SLC44A5: variants seen among roughly 807,000 people sequenced by gnomAD.
The protein encoded by SLC44A5 is solute carrier family 44 member 5, also known as choline transporter-like protein 5.
Under a neutral mutation model 101.8 loss-of-function variants are expected in SLC44A5, and 57 were observed. The observed-to-expected ratio is 0.56, with a 90% confidence interval of 0.45 to 0.70. The LOEUF is 0.70. Ranked by LOEUF, SLC44A5 falls within the 30% of genes least tolerant of loss-of-function variation. The pLI is 0.00. For missense variants in SLC44A5, 737 were observed against 853.1 expected (o/e 0.86, Z 1.70); for synonymous variants, 281 against 290.9 (o/e 0.97, Z 0.35).
intron 2 of SLC44A5, among the ~76,000 whole-genome samples, chr1:75,429,955 T>C (rs529612033): frequency 3.9e-5 from 6 of 152,270 alleles, no homozygotes; most frequent in South Asian, 2.1e-4. Flanking sequence ...AATTCCAAAA[T>C]AGATAAAATC....
upstream of SLC44A5, among the ~76,000 whole-genome samples, chr1:75,614,945 A>G (rs1401155181): frequency 1.3e-5 from 2 of 152,078 alleles, no homozygotes; most frequent in Non-Finnish European, 2.9e-5. Context: ...GACCTCTGCG[A>G]GTCCGCGCTG....
At chr1:75,254,050 T>TC (rs1649804679) in intron 6 of SLC44A5, among the ~76,000 whole-genome samples, 1 of 152,134 alleles carries the variant, frequency 6.6e-6, no homozygotes, top group Admixed American at 6.5e-5. Context: ...CAACTTTTTT[T>TC]TTTTTTAGAC....
the SLC44A5 span, among the ~76,000 whole-genome samples, chr1:75,704,570 A>G: frequency 6.6e-6 from 1 of 152,096 alleles, no homozygotes; most frequent in Non-Finnish European, 1.5e-5. Flanking sequence ...ATTTCCTCTT[A>G]GTTATGGTTT....
At chr1:75,701,680 T>C in the SLC44A5 span, among the ~76,000 whole-genome samples, 11 of 152,132 alleles carry the variant, frequency 7.2e-5, no homozygotes, top group African/African-American at 2.4e-4. Flanking sequence ...GAGAAATAAA[T>C]AAAGGGCATT....
intron 1 of SLC44A5, among the ~76,000 whole-genome samples, chr1:75,580,955 GTGCC>G (rs1198228952): frequency 6.6e-6 from 1 of 152,062 alleles, no homozygotes; most frequent in Non-Finnish European, 1.5e-5. Flanking sequence ...GATGGAATTA[GTGCC>G]TGTGGAGAAG....
the SLC44A5 span, among the ~76,000 whole-genome samples, chr1:75,665,434 A>G: frequency 2.0e-5 from 3 of 152,234 alleles, no homozygotes; most frequent in Non-Finnish European, 2.9e-5. Context: ...CTTACATTTC[A>G]TCATATGCAA....
the SLC44A5 span, chr1:75,720,484 T>C: frequency 6.6e-6 from 1 of 152,342 alleles, no homozygotes; most frequent in African/African-American, 2.4e-5. Flanking sequence ...CTATTCCTAC[T>C]ACTGGCAAAA....
At chr1:75,528,475 G>T (rs1670544869) in intron 2 of SLC44A5, among the ~76,000 whole-genome samples, 2 of 152,260 alleles carry the variant, frequency 1.3e-5, no homozygotes, top group South Asian at 4.2e-4. Flanking sequence ...TTAACGTCTA[G>T]TGCACCAAAC....
At chr1:75,617,789 C>T in the SLC44A5 span, among the ~76,000 whole-genome samples, 1 of 152,198 alleles carries the variant, frequency 6.6e-6, no homozygotes, top group African/African-American at 2.4e-5. Flanking sequence ...TCTTCTAGGT[C>T]TTCAAATGTT....
intron 2 of SLC44A5, among the ~76,000 whole-genome samples, chr1:75,537,754 A>T (rs1381295051): frequency 6.6e-6 from 1 of 152,218 alleles, no homozygotes; most frequent in Non-Finnish European, 1.5e-5. Flanking sequence ...GATGTATATA[A>T]AGAATTGTTG....
At chr1:75,362,037 G>T (rs1195909546) in intron 3 of SLC44A5, among the ~76,000 whole-genome samples, 3 of 151,910 alleles carry the variant, frequency 2.0e-5, no homozygotes, top group African/African-American at 7.2e-5. Flanking sequence ...TTCAGTCTTG[G>T]TAGATTGTAT....
intron 1 of SLC44A5, among the ~76,000 whole-genome samples, chr1:75,607,839 T>C (rs961576430): frequency 2.4e-4 from 37 of 152,054 alleles, no homozygotes; most frequent in Non-Finnish European, 1.9e-4. Context: ...GTGAGTCAAT[T>C]AAACCTCTTT....
the SLC44A5 span, among the ~76,000 whole-genome samples, chr1:75,676,704 AT>A: frequency 6.6e-6 from 1 of 152,204 alleles, no homozygotes; most frequent in African/African-American, 2.4e-5. Flanking sequence ...TTAAAATTTT[AT>A]TTAAAGGTAT....
chr1:75,670,121 T>C, the SLC44A5 span, among the ~76,000 whole-genome samples: 1 of 151,694 alleles, frequency 6.6e-6, no homozygotes, highest in Non-Finnish European at 1.5e-5. Flanking sequence ...GATAAAGAGA[T>C]CAAAAAGATA....
At chr1:75,557,671 C>G (rs1672294426) in intron 1 of SLC44A5, among the ~76,000 whole-genome samples, 1 of 152,076 alleles carries the variant, frequency 6.6e-6, no homozygotes, top group Non-Finnish European at 1.5e-5. Flanking sequence ...AAACCACTGG[C>G]TATTCAAGTC....
intron 1 of SLC44A5, among the ~76,000 whole-genome samples, chr1:75,569,653 T>A (rs960324587): frequency 6.6e-6 from 1 of 151,632 alleles, no homozygotes; most frequent in Non-Finnish European, 1.5e-5. Context: ...CTACTCTCCA[T>A]GAATAATACC....
chr1:75,458,048 AT>A (rs965872146), intron 2 of SLC44A5, among the ~76,000 whole-genome samples: 3 of 152,218 alleles, frequency 2.0e-5, no homozygotes, highest in African/African-American at 7.2e-5. Flanking sequence ...TAAACAGAGA[AT>A]TTCAATATTG....
chr1:75,410,352 C>T (rs4998167), intron 2 of SLC44A5, among the ~76,000 whole-genome samples: 3,936 of 151,932 alleles, frequency 0.026, 152 homozygotes, highest in African/African-American at 0.08. Context: ...ATTTATAAGG[C>T]AAGTCATGGG....
In SLC44A5 at chr1:75,278,486, C is replaced by T. The variant is rs1570550391; in HGVS notation, c.176-3444G>A. On this transcript the variant is annotated intron_variant, in intron 5 of 23. Coordinates refer to ENST00000370859, the MANE Select transcript of SLC44A5 (RefSeq NM_001130058.2). The stretch of plus-strand genomic sequence containing the variant: ...ATCCTTTTTATAATAGTTAACAATG[C>T]TCCTTGTACAATCTTGAAATAATAG... 2.6e-5 allele frequency among the ~76,000 whole-genome samples: 4 copies of T among 152,218 alleles called. No homozygotes were observed. The South Asian group carries it at 6.2e-4, about 24-fold the overall frequency.
Sources: gnomAD v4.1 joint callset for allele counts (sites outside exome capture counted in the v4.1 genomes callset) on GRCh38, gnomAD v4.1.1 for gene constraint, MANE v1.5 for transcripts, NCBI Gene and HGNC (gene_info 2026-07-23, HGNC 2026-07-21) for gene names.